MAGI2: variants seen among roughly 807,000 people sequenced by gnomAD.
MAGI2 encodes membrane-associated guanylate kinase, WW and PDZ domain-containing protein 2.
MAGI2 carries 35 observed loss-of-function variants against 133.3 expected under a neutral mutation model. The observed-to-expected ratio is 0.26, with a 90% confidence interval of 0.20 to 0.35. MAGI2 has a LOEUF of 0.35. Ranked by LOEUF, MAGI2 falls within the 10% of genes least tolerant of loss-of-function variation. The pLI, the probability that MAGI2 is intolerant of heterozygous loss-of-function variation, is 1.00. For missense variants in MAGI2, 1,636 were observed against 1,863.4 expected (o/e 0.88, Z 2.25); for synonymous variants, 729 against 710.6 (o/e 1.03, Z -0.41).
chr7:78,665,315 T>C (rs866389803), intron 2 of MAGI2, among the ~76,000 whole-genome samples: 16 of 152,178 alleles, frequency 1.1e-4, no homozygotes, highest in African/African-American at 3.9e-4. Flanking sequence ...GTGTTACAAA[T>C]AGCTAACATA....
chr7:78,837,671 G>A (rs116905522), intron 2 of MAGI2, among the ~76,000 whole-genome samples: 3,927 of 152,032 alleles, frequency 0.026, 73 homozygotes, highest in Middle Eastern at 0.044. Context: ...CAGCTGGTTG[G>A]GTAATATTTT....
chr7:78,701,725 TA>T (rs1818094480), intron 2 of MAGI2, among the ~76,000 whole-genome samples: 1 of 151,952 alleles, frequency 6.6e-6, no homozygotes, highest in Admixed American at 6.6e-5. Flanking sequence ...CTTGGCCTCA[TA>T]CGGGTTAATA....
chr7:78,651,634 A>C (rs138078600), intron 2 of MAGI2, among the ~76,000 whole-genome samples: 1 of 152,284 alleles, frequency 6.6e-6, no homozygotes, highest in African/African-American at 2.4e-5. Context: ...TAAAAGCAGA[A>C]TAGATTATGT....
chr7:78,078,800 G>A (rs1431579835), intron 21 of MAGI2, 147 bp downstream of exon 21: 2 of 759,444 alleles, frequency 2.6e-6, no homozygotes, highest in Non-Finnish European at 2.2e-6. Context: ...GTGTGTGTGT[G>A]TGTGTGTGTG....
rs868525367 is a variant in MAGI2, at chr7:79,271,238, A to G, written c.301+181782T>C. Reference sequence around the variant, plus strand: ...GATTCTACATACTGAAAACACAATCATATAGCATTCTGTGCCATCACATAT... The same window carrying G: ...GATTCTACATACTGAAAACACAATCGTATAGCATTCTGTGCCATCACATAT... On this transcript the variant is annotated intron_variant, in intron 1 of 21. Transcript: ENST00000354212. 7.9e-5 allele frequency among the ~76,000 whole-genome samples: 12 copies of G among 152,310 alleles called. 1 individual carries two copies. The Middle Eastern group carries it at 0.024, about 302-fold the overall frequency.
intron 1 of MAGI2, among the ~76,000 whole-genome samples, chr7:79,391,503 AT>A: frequency 2.0e-5 from 1 of 49,890 alleles, no homozygotes; most frequent in African/African-American, 1.4e-4. Flanking sequence ...ATATATATAT[AT>A]AGACATATAT....
intron 21 of MAGI2, among the ~76,000 whole-genome samples, chr7:78,074,035 T>C (rs919850071): frequency 5.3e-5 from 8 of 152,176 alleles, no homozygotes; most frequent in African/African-American, 1.7e-4. Flanking sequence ...GACTTAACTA[T>C]GAAAGCAACT....
intron 6 of MAGI2, among the ~76,000 whole-genome samples, chr7:78,452,544 TAAGTATAAAAATGTACC>T (rs780240983): frequency 3.9e-5 from 6 of 151,984 alleles, no homozygotes; most frequent in Non-Finnish European, 7.4e-5. Flanking sequence ...CCACAGTTCT[TAAGTATAAAAATGTACC>T]TTTTTCTGGG....
At chr7:79,189,103 A>C (rs913136998) in intron 1 of MAGI2, among the ~76,000 whole-genome samples, 1 of 151,772 alleles carries the variant, frequency 6.6e-6, no homozygotes, top group Admixed American at 6.6e-5. Flanking sequence ...TAATTTATCT[A>C]TCTCCTTGAT....
At chr7:79,147,193 A>G (rs1351188719) in intron 1 of MAGI2, among the ~76,000 whole-genome samples, 4 of 152,220 alleles carry the variant, frequency 2.6e-5, no homozygotes, top group African/African-American at 7.2e-5. Flanking sequence ...ATCATTCCAG[A>G]CAATGTGCAG....
At chr7:78,832,744 C>G (rs186003231) in intron 2 of MAGI2, among the ~76,000 whole-genome samples, 5 of 152,262 alleles carry the variant, frequency 3.3e-5, no homozygotes, top group Admixed American at 2.0e-4. Flanking sequence ...AAGTGGCATG[C>G]AGGATTGTGT....
intron 10 of MAGI2, among the ~76,000 whole-genome samples, chr7:78,235,337 G>C (rs1790416055): frequency 6.6e-6 from 1 of 152,154 alleles, no homozygotes; most frequent in Non-Finnish European, 1.5e-5. Context: ...GAAGGGGGCA[G>C]GAAATAGGTT....
intron 9 of MAGI2, among the ~76,000 whole-genome samples, chr7:78,334,959 T>C (rs553391579): frequency 1.3e-5 from 2 of 152,282 alleles, no homozygotes; most frequent in South Asian, 4.1e-4. Flanking sequence ...GCTGGCAAAC[T>C]AAGACCCATG....
intron 4 of MAGI2, among the ~76,000 whole-genome samples, chr7:78,517,895 CT>C (rs578241799): frequency 1.3e-5 from 2 of 151,702 alleles, no homozygotes; most frequent in Non-Finnish European, 2.9e-5. Flanking sequence ...GCAGAACTTC[CT>C]GGAGAACTTA....
intron 9 of MAGI2, among the ~76,000 whole-genome samples, chr7:78,329,011 T>G (rs997164165): frequency 2.6e-5 from 4 of 152,182 alleles, no homozygotes; most frequent in Non-Finnish European, 5.9e-5. Flanking sequence ...TAGTAGAATT[T>G]TTTTCCCTTG....
At chr7:78,259,591 C>A (rs1290437889) in intron 9 of MAGI2, among the ~76,000 whole-genome samples, 1 of 152,122 alleles carries the variant, frequency 6.6e-6, no homozygotes, top group Non-Finnish European at 1.5e-5. Flanking sequence ...ATATTCCCAC[C>A]ACAGTTACAG....
intron 10 of MAGI2, among the ~76,000 whole-genome samples, chr7:78,233,385 T>C (rs1790181304): frequency 6.6e-6 from 1 of 152,084 alleles, no homozygotes; most frequent in Non-Finnish European, 1.5e-5. Context: ...ATGAGAAATA[T>C]TCATTCGACA....
chr7:78,892,751 T>C (rs1389192748), intron 2 of MAGI2, among the ~76,000 whole-genome samples: 6 of 152,158 alleles, frequency 3.9e-5, no homozygotes, highest in Non-Finnish European at 2.9e-5. Flanking sequence ...AAGACTTAAA[T>C]GTTAGACCCA....
chr7:78,847,535 G>C (rs1376003980), intron 2 of MAGI2, among the ~76,000 whole-genome samples: 3 of 151,992 alleles, frequency 2.0e-5, no homozygotes, highest in African/African-American at 7.2e-5. Flanking sequence ...TATGTGAACT[G>C]AGCCAATGAT....
Sources: allele counts gnomAD v4.1 joint callset (sites outside exome capture counted in the v4.1 genomes callset), GRCh38; gene constraint gnomAD v4.1.1; transcripts MANE v1.5; gene names NCBI Gene and HGNC (gene_info 2026-07-23, HGNC 2026-07-21).